FAM81A: variants seen among roughly 807,000 people sequenced by gnomAD.
FAM81A encodes the protein family with sequence similarity 81 member A.
In FAM81A, 19 loss-of-function variants were observed where a neutral mutation model predicts 46.7. That is an observed-to-expected ratio of 0.41 (90% CI 0.28 to 0.60). The LOEUF is 0.60. FAM81A is among the 20% of genes least tolerant of loss of function. The probability of loss-of-function intolerance (pLI) is 0.34; values close to 1 mark genes in which losing one functional copy is unlikely to be tolerated. For missense variants in FAM81A, 377 were observed against 453.5 expected (o/e 0.83, Z 1.53); for synonymous variants, 183 against 152.9 (o/e 1.20, Z -1.45).
chr15:59,436,113 G>T (rs2081241694), upstream of FAM81A, among the ~76,000 whole-genome samples: 1 of 152,120 alleles, frequency 6.6e-6, no homozygotes, highest in African/African-American at 2.4e-5. Context: ...TGTCTTATTT[G>T]CTAACTGTTA....
intron 1 of FAM81A, chr15:59,439,136 G>A (rs1365150820): frequency 6.6e-6 from 1 of 152,062 alleles, no homozygotes; most frequent in African/African-American, 2.4e-5. Context: ...GCGTGTGTGC[G>A]CGTGCGCTCT....
At chr15:59,408,344 GTTTAT>G (rs1256668044) in intron 2 of FAM81A, among the ~76,000 whole-genome samples, 6 of 152,154 alleles carry the variant, frequency 3.9e-5, no homozygotes, top group Non-Finnish European at 8.8e-5. Flanking sequence ...ATTTGAAATA[GTTTAT>G]TTTAATTCAT....
intron 4 of FAM81A, among the ~76,000 whole-genome samples, chr15:59,503,599 G>T (rs1490314746): frequency 1.3e-5 from 2 of 150,668 alleles, no homozygotes; most frequent in African/African-American, 4.9e-5. Context: ...TTTTGACAGA[G>T]TCTCACTGTG....
intron 1 of FAM81A, among the ~76,000 whole-genome samples, chr15:59,441,481 G>A (rs1002314873): frequency 1.3e-5 from 2 of 152,212 alleles, no homozygotes; most frequent in East Asian, 3.8e-4. Context: ...GTCACATAGG[G>A]CCAATGGCTA....
chr15:59,459,576 A>G (rs751581331), intron 2 of FAM81A, among the ~76,000 whole-genome samples: 15 of 152,244 alleles, frequency 9.9e-5, no homozygotes, highest in Middle Eastern at 3.4e-3. Flanking sequence ...TTGAGTTTGT[A>G]ACCACTGTTT....
At chr15:59,425,120 A>G (rs988936139) in intron 2 of FAM81A, among the ~76,000 whole-genome samples, 6 of 152,080 alleles carry the variant, frequency 3.9e-5, no homozygotes, top group African/African-American at 1.2e-4. Context: ...CCTGGTCTCA[A>G]GAGATCCTCC....
chr15:59,441,781 C>G (rs966268234), intron 1 of FAM81A, among the ~76,000 whole-genome samples: 5 of 152,186 alleles, frequency 3.3e-5, no homozygotes, highest in Non-Finnish European at 5.9e-5. Flanking sequence ...CATTTGTTTC[C>G]TTTTTCTTCC....
chr15:59,492,075 TGGGA>T (rs1182585737), intron 3 of FAM81A, among the ~76,000 whole-genome samples, 192 bp from the exon 4 acceptor site: 7 of 152,368 alleles, frequency 4.6e-5, no homozygotes, highest in African/African-American at 1.7e-4. Flanking sequence ...GGACTTGCTC[TGGGA>T]GGAGCCTCTA....
At chr15:59,407,312 T>TTTTTG (rs2081100354) in intron 2 of FAM81A, 1 of 148,942 alleles carries the variant, frequency 6.7e-6, no homozygotes, top group Non-Finnish European at 1.5e-5. Context: ...TTTTTTTTTT[T>TTTTTG]GAGACAGAGT....
chr15:59,517,038 A>G (rs2082275058), intron 8 of FAM81A, among the ~76,000 whole-genome samples, 198 bp downstream of exon 8: 1 of 152,194 alleles, frequency 6.6e-6, no homozygotes, highest in African/African-American at 2.4e-5. Flanking sequence ...ATAAAGAGCC[A>G]CCGTGAGAGA....
chr15:59,453,625 G>A (rs1169728865), intron 1 of FAM81A, among the ~76,000 whole-genome samples: 14 of 152,058 alleles, frequency 9.2e-5, no homozygotes, highest in Admixed American at 9.2e-4. Context: ...AAGGGAGAGT[G>A]AGAGAAAGAG....
intron 8 of FAM81A, among the ~76,000 whole-genome samples, chr15:59,518,014 C>A (rs115329647): frequency 0.02 from 2,962 of 151,210 alleles, 84 homozygotes; most frequent in African/African-American, 0.065. Flanking sequence ...TGCTCTGTTG[C>A]CAGCCTGGAG....
intron 2 of FAM81A, among the ~76,000 whole-genome samples, chr15:59,416,555 G>A (rs1353258977): frequency 6.6e-6 from 1 of 152,210 alleles, no homozygotes; most frequent in African/African-American, 2.4e-5. Flanking sequence ...ACAGCTGTGA[G>A]TGAACTCAAA....
At chr15:59,417,736 T>TA (rs1231618916) in intron 2 of FAM81A, among the ~76,000 whole-genome samples, 3 of 151,980 alleles carry the variant, frequency 2.0e-5, no homozygotes, top group Admixed American at 2.0e-4. Flanking sequence ...CATAAATAAA[T>TA]AAAAATAAAA....
intron 2 of FAM81A, among the ~76,000 whole-genome samples, chr15:59,406,487 C>T (rs1393507489): frequency 6.6e-6 from 1 of 152,196 alleles, no homozygotes; most frequent in Non-Finnish European, 1.5e-5. Context: ...AACTTTAAAA[C>T]AACATCAGCT....
intron 2 of FAM81A, among the ~76,000 whole-genome samples, chr15:59,412,157 C>G (rs1189164270): frequency 1.3e-5 from 2 of 151,994 alleles, no homozygotes; most frequent in African/African-American, 4.8e-5. Context: ...CTCTGTTCCT[C>G]TGAGTGGGGA....
At chr15:59,424,189 C>G (rs1300034304) in intron 2 of FAM81A, among the ~76,000 whole-genome samples, 1 of 152,196 alleles carries the variant, frequency 6.6e-6, no homozygotes, top group Non-Finnish European at 1.5e-5. Context: ...CAGCCTTTGA[C>G]CCAGCTGACC....
chr15:59,515,251 GA>G (rs537291126), intron 7 of FAM81A, among the ~76,000 whole-genome samples: 1 of 151,504 alleles, frequency 6.6e-6, no homozygotes, highest in Non-Finnish European at 1.5e-5. Flanking sequence ...CTCAAAAAAA[GA>G]AAAAAAAGTC....
intron 3 of FAM81A, among the ~76,000 whole-genome samples, chr15:59,482,458 G>T (rs572144373): frequency 1.3e-5 from 2 of 151,976 alleles, no homozygotes; most frequent in Non-Finnish European, 2.9e-5. Flanking sequence ...TAGTAGAGAC[G>T]GGGTTTCACC....
Sources: allele counts gnomAD v4.1 joint callset (sites outside exome capture counted in the v4.1 genomes callset), GRCh38; gene constraint gnomAD v4.1.1; transcripts MANE v1.5; gene names NCBI Gene and HGNC (gene_info 2026-07-23, HGNC 2026-07-21).